The following RAB11FIP3 variants were observed in gnomAD, a reference collection of about 807,000 sequenced individuals.
RAB11FIP3 encodes rab11 family-interacting protein 3.
Under a neutral mutation model 77.8 loss-of-function variants are expected in RAB11FIP3, and 17 were observed. The observed-to-expected ratio is 0.22, with a 90% CI of 0.15 to 0.33. RAB11FIP3 has a LOEUF of 0.33. Among genes scored for constraint, RAB11FIP3 ranks in the 10% least tolerant of loss-of-function variants. The pLI is 1.00. For synonymous variants in RAB11FIP3, 437 were observed against 448.2 expected (o/e 0.98, Z 0.31); for missense variants, 1,005 against 1,011.2 (o/e 0.99, Z 0.08).
rs1412680701 is a variant in RAB11FIP3 at position 520,481 on chromosome 16, A to G, written c.2039A>G (p.Gln680Arg). ...CAGGACAACCGCAACCTGAAGGAGC[A>G]GAACGAGGAGCTGAACGGGCAGATC... is the stretch of plus-strand genomic sequence containing the variant. The part of the protein sequence containing the change: ...LKQDNRNLKE[Q>R]NEELNGQIIT... Residue 680 changes from glutamine (Q) to arginine (R), a missense_variant, in exon 13 of 14, where the codon CAG (glutamine) becomes CGG (arginine). Gln to Arg is a conservative substitution (Grantham distance 43, BLOSUM62 1). Around this residue, in one of 4 missense-constraint regions of RAB11FIP3, gnomAD observed 90 missense variants for 129.7 expected, o/e 0.69. Transcript: ENST00000262305. The G allele has an allele frequency of 6.2e-7, 1 of 1,613,506 alleles. No homozygotes were observed. Among genetic ancestry groups the G allele is most frequent in the Non-Finnish European group, 8.5e-7 (1 of 1,180,032 alleles).
intron 6 of RAB11FIP3, among the ~76,000 whole-genome samples, chr16:499,783 G>A (rs1043497219): frequency 2.2e-4 from 27 of 125,484 alleles, no homozygotes; most frequent in Non-Finnish European, 3.4e-4. Flanking sequence ...GGGCGACAGA[G>A]CAAGACTGTC....
chr16:510,822 A>G (rs1455475366), intron 9 of RAB11FIP3, 22 bp downstream of exon 9: 1 of 1,610,160 alleles, frequency 6.2e-7, no homozygotes, highest in Non-Finnish European at 8.5e-7. Context: ...CCAACAGCCC[A>G]TCCACCCCAG....
intron 2 of RAB11FIP3, among the ~76,000 whole-genome samples, chr16:468,391 A>G (rs1462603572): frequency 2.0e-5 from 3 of 151,376 alleles, no homozygotes; most frequent in Admixed American, 2.0e-4. Context: ...CTTTTGAGTA[A>G]TTTGATGTCA....
chr16:492,918 C>T (rs868542974), intron 5 of RAB11FIP3, among the ~76,000 whole-genome samples: 51 of 152,062 alleles, frequency 3.4e-4, no homozygotes, highest in African/African-American at 1.2e-3. Flanking sequence ...TCCTGTGGAG[C>T]CTCACGTCCA....
At position 472,478 on chromosome 16, in the gene RAB11FIP3, C is replaced by A. The variant is rs1302884853; in HGVS notation, c.903+1089C>A. Among the ~76,000 whole-genome samples, 3 of 152,204 alleles carry A rather than the reference C, an allele frequency of 2.0e-5. No homozygotes were observed. Among genetic ancestry groups the A allele is most frequent in the Admixed American group, 1.3e-4 (2 of 15,286 alleles). On this transcript the variant is annotated intron_variant, in intron 3 of 13. Coordinates refer to ENST00000262305, the MANE Select transcript of RAB11FIP3 (RefSeq NM_014700.4). This position sits in a 1 kb window ranked among gnomAD's most constrained non-coding sequence, Gnocchi z 4.1. ...GTGGGAGTTGGACCCTCTCGCATGGCTGCAGTGTGCAGAACGTGCTGGGAG... is the reference window on the plus strand; with the variant it reads ...GTGGGAGTTGGACCCTCTCGCATGGATGCAGTGTGCAGAACGTGCTGGGAG...
chr16:448,503 G>A (rs982602541), intron 1 of RAB11FIP3, among the ~76,000 whole-genome samples: 3 of 152,212 alleles, frequency 2.0e-5, no homozygotes, highest in Non-Finnish European at 2.9e-5. Context: ...TTGGGAGGCC[G>A]AGGCAGGTGG....
At chr16:462,431 C>T (rs1305195004) in intron 2 of RAB11FIP3, among the ~76,000 whole-genome samples, 1 of 152,134 alleles carries the variant, frequency 6.6e-6, no homozygotes. Context: ...GACGGGGTTT[C>T]ACCATGTTGG....
At chr16:478,856 C>T (rs577512862) in intron 3 of RAB11FIP3, among the ~76,000 whole-genome samples, 1 of 152,240 alleles carries the variant, frequency 6.6e-6, no homozygotes, top group South Asian at 2.1e-4. Context: ...ATCCCAGCTA[C>T]TTTGGTGGCT....
Position 519,876 on chromosome 16 carries a change from G to T in RAB11FIP3, c.1845G>T (p.Lys615Asn). ...SHERHQFQRD[K>N]EATQELIEDL... ...AGAGGCACCAGTTCCAGAGGGACAA[G>T]GAGGCCACCCAGGAGGTGAGCACCC... Residue 615 changes from lysine to asparagine, a missense_variant, in exon 11 of 14, where the codon AAG becomes AAT. Lys to Asn is a moderately conservative substitution (Grantham distance 94, BLOSUM62 0). Coordinates refer to ENST00000262305, the MANE Select transcript of RAB11FIP3 (RefSeq NM_014700.4). The T allele has an allele frequency of 6.3e-7, 1 of 1,591,250 alleles. No individual in the cohort carries two copies. Among genetic ancestry groups the T allele is most frequent in the East Asian group, 2.3e-5 (1 of 43,912 alleles).
chr16:497,555 T>A, intron 6 of RAB11FIP3: 1 of 981,946 alleles, frequency 1.0e-6, no homozygotes. Context: ...CTCTGGAGCA[T>A]CCCCTCTGGA....
chr16:435,735 G>C (rs1272151983), intron 1 of RAB11FIP3, among the ~76,000 whole-genome samples: 4 of 151,724 alleles, frequency 2.6e-5, no homozygotes, highest in African/African-American at 9.7e-5. Flanking sequence ...CAGTACAGAA[G>C]GGAATCTAGT....
chr16:473,404 A>G (rs1430047065), intron 3 of RAB11FIP3, among the ~76,000 whole-genome samples: 1 of 152,252 alleles, frequency 6.6e-6, no homozygotes, highest in Non-Finnish European at 1.5e-5. Flanking sequence ...AACATAGTGT[A>G]GAGCATTCCG....
intron 1 of RAB11FIP3, among the ~76,000 whole-genome samples, chr16:441,922 G>A (rs1277515165): frequency 4.6e-5 from 7 of 152,184 alleles, no homozygotes; most frequent in East Asian, 1.9e-4. Context: ...CACTGTAAGC[G>A]CCACCTCCCA....
intron 13 of RAB11FIP3, 51 bp downstream of exon 13, chr16:520,650 T>G: frequency 6.2e-7 from 1 of 1,610,318 alleles, no homozygotes; most frequent in Non-Finnish European, 8.5e-7. Context: ...CAGTCTGCAC[T>G]GTCTGTGCGC....
At chr16:491,318 C>A in intron 5 of RAB11FIP3, 1 of 1,283,740 alleles carries the variant, frequency 7.8e-7, no homozygotes, top group Non-Finnish European at 1.0e-6. Flanking sequence ...GTGTGGGGGA[C>A]TCCGGATACC....
chr16:469,686 G>A (rs7197252), intron 2 of RAB11FIP3, among the ~76,000 whole-genome samples: 7,055 of 152,230 alleles, frequency 0.046, 275 homozygotes, highest in East Asian at 0.17. Flanking sequence ...CACCACACCC[G>A]GCCTTATCTT....
At position 501,671 on chromosome 16, in the gene RAB11FIP3, TC is replaced by T. The variant is rs532281312; in HGVS notation, c.1302-1327del. ...ATTTCACAGACAAGTTCAGAGAGGC[TC>T]CCCCCATTTCATAGGCAGGGAAGCT... On this transcript the variant is annotated intron_variant, in intron 6 of 13. Transcript: ENST00000262305. 3.0e-3 allele frequency among the ~76,000 whole-genome samples: 337 copies of T among 111,696 alleles called. 7 individuals carry two copies. Among genetic ancestry groups the T allele is most frequent in the African/African-American group, 0.011 (315 of 27,830 alleles). The allele number at this position is 111,696 out of a possible 152,430, so 73.3% of individuals were successfully genotyped here. A position where few individuals can be genotyped will look rare whatever the true frequency, so the allele number is the denominator to read the frequency against.
chr16:516,350 C>G (rs1021812447), intron 9 of RAB11FIP3, among the ~76,000 whole-genome samples: 1 of 152,142 alleles, frequency 6.6e-6, no homozygotes, highest in Non-Finnish European at 1.5e-5. Flanking sequence ...AGTTCTGAGG[C>G]TGGGACAGGC....
intron 1 of RAB11FIP3, among the ~76,000 whole-genome samples, chr16:429,859 G>A (rs1440762742): frequency 6.6e-6 from 1 of 152,110 alleles, no homozygotes; most frequent in Non-Finnish European, 1.5e-5. Context: ...TATGTAATCT[G>A]TTTATGAAGG....
Sources: gnomAD v4.1 joint callset for allele counts (sites outside exome capture counted in the v4.1 genomes callset) on GRCh38, gnomAD v4.1.1 for gene constraint, gnomAD v4.1.1 regional missense constraint, Gnocchi (gnomAD v3.1) non-coding constraint, MANE v1.5 for transcripts, NCBI Gene and HGNC (gene_info 2026-07-23, HGNC 2026-07-21) for gene names.